The following ELMO1 variants were observed in gnomAD, a reference collection of about 807,000 sequenced individuals.
The protein encoded by ELMO1 is engulfment and cell motility protein 1.
ELMO1 carries 26 observed loss-of-function variants against 98.9 expected under a neutral mutation model. The ratio of observed to expected loss-of-function variants is 0.26; its 90% CI spans 0.19 to 0.36. The LOEUF (loss-of-function observed/expected upper bound fraction) is 0.36, where lower values mean the gene tolerates loss of function less well. Among genes scored for constraint, ELMO1 ranks in the 10% least tolerant of loss-of-function variants. The pLI is 1.00. For synonymous variants in ELMO1, 346 were observed against 346.0 expected, an observed-to-expected ratio of 1.00 and a Z score of 0.00; for missense variants, 627 against 935.2, an observed-to-expected ratio of 0.67 and a Z score of 4.30.
intron 15 of ELMO1, among the ~76,000 whole-genome samples, chr7:37,050,578 T>C (rs1417201701): frequency 6.7e-6 from 1 of 148,790 alleles, no homozygotes; most frequent in Non-Finnish European, 1.5e-5. Context: ...ATGCTGGAAA[T>C]TTGCTAAGAG....
intron 15 of ELMO1, among the ~76,000 whole-genome samples, chr7:37,089,617 C>A (rs1198368365): frequency 1.3e-5 from 2 of 152,134 alleles, no homozygotes; most frequent in African/African-American, 4.8e-5. Flanking sequence ...ACCTCAATTT[C>A]CATTTTTCTG....
intron 1 of ELMO1, among the ~76,000 whole-genome samples, chr7:37,383,724 C>G (rs772037617): frequency 6.6e-6 from 1 of 151,952 alleles, no homozygotes; most frequent in Non-Finnish European, 1.5e-5. Context: ...AACTATGTTA[C>G]GGGAAAAGAG....
chr7:37,266,453 T>A (rs539336687), intron 5 of ELMO1, among the ~76,000 whole-genome samples: 1 of 152,294 alleles, frequency 6.6e-6, no homozygotes, highest in Admixed American at 6.5e-5. Context: ...GCAAGGATTA[T>A]GCTTACAGCT....
intron 16 of ELMO1, among the ~76,000 whole-genome samples, chr7:37,008,884 T>C (rs955878970): frequency 6.6e-6 from 1 of 152,190 alleles, no homozygotes; most frequent in Non-Finnish European, 1.5e-5. Flanking sequence ...TCTACCTTAA[T>C]GAAAATACTC....
chr7:37,375,956 C>G, intron 1 of ELMO1: 1 of 610,716 alleles, frequency 1.6e-6, no homozygotes, highest in Non-Finnish European at 3.0e-6. Context: ...GAGGCTGGGG[C>G]TGGGTCAGCA....
chr7:37,395,677 G>C (rs1803268385), intron 1 of ELMO1, among the ~76,000 whole-genome samples: 1 of 152,182 alleles, frequency 6.6e-6, no homozygotes, highest in Admixed American at 6.5e-5. Context: ...GAGTCTAGAA[G>C]CAATTATGGC....
chr7:36,921,117 C>T (rs1562825694), intron 16 of ELMO1, among the ~76,000 whole-genome samples: 1 of 152,152 alleles, frequency 6.6e-6, no homozygotes, highest in African/African-American at 2.4e-5. Flanking sequence ...CTTTGCCAGG[C>T]ACCACATTTG....
intron 16 of ELMO1, among the ~76,000 whole-genome samples, chr7:37,012,728 A>T (rs1793645073): frequency 6.6e-6 from 1 of 152,204 alleles, no homozygotes; most frequent in South Asian, 2.1e-4. Flanking sequence ...AGTTCAAAGG[A>T]TCAAATGCTT....
chr7:36,860,425 G>A (rs1802535439), intron 21 of ELMO1, among the ~76,000 whole-genome samples: 1 of 152,216 alleles, frequency 6.6e-6, no homozygotes, highest in Non-Finnish European at 1.5e-5. Context: ...GTAATAGAAG[G>A]AAAGTGGTCT....
intron 7 of ELMO1, among the ~76,000 whole-genome samples, chr7:37,240,591 C>G (rs1389482194): frequency 6.6e-6 from 1 of 151,956 alleles, no homozygotes; most frequent in Non-Finnish European, 1.5e-5. Context: ...AACCATCCTT[C>G]CTTTTCAACA....
intron 15 of ELMO1, among the ~76,000 whole-genome samples, chr7:37,047,938 T>G (rs1795894168): frequency 6.6e-6 from 1 of 152,192 alleles, no homozygotes; most frequent in Non-Finnish European, 1.5e-5. Flanking sequence ...CTTTCTTTGA[T>G]TAGAATATGT....
rs146055358 is a variant in ELMO1 at position 37,114,534 on chromosome 7, G to C, written c.1192-17807C>G. Among the ~76,000 whole-genome samples, 577 of 152,172 alleles carry C rather than the reference G, an allele frequency of 3.8e-3. 1 individual carries two copies. Among genetic ancestry groups the C allele is most frequent in the Middle Eastern group, 6.8e-3 (2 of 294 alleles). ...CTTATCAAGGCAACCCATATTTAGC[G>C]CCATGAAACAGTTAAATAGCAAAGT... On this transcript the variant is annotated intron_variant, in intron 14 of 21. Coordinates refer to ENST00000310758, the MANE Select transcript of ELMO1 (RefSeq NM_014800.11).
chr7:37,208,668 T>A (rs1427931257), intron 13 of ELMO1, among the ~76,000 whole-genome samples: 1 of 152,160 alleles, frequency 6.6e-6, no homozygotes, highest in Non-Finnish European at 1.5e-5. Flanking sequence ...GGTGGTGCAA[T>A]GACCATGCGG....
chr7:37,387,342 G>A (rs563508583), intron 1 of ELMO1, among the ~76,000 whole-genome samples: 5 of 152,326 alleles, frequency 3.3e-5, no homozygotes, highest in East Asian at 1.9e-4. Context: ...CTAGGGAAGC[G>A]TCTGTTTCAG....
chr7:37,315,476 A>T (rs1383148369), intron 3 of ELMO1, among the ~76,000 whole-genome samples: 1 of 152,214 alleles, frequency 6.6e-6, no homozygotes, highest in Non-Finnish European at 1.5e-5. Context: ...TCTTTAGAGC[A>T]GCCACAAAGA....
chr7:36,945,084 G>A (rs2129099001), intron 16 of ELMO1, among the ~76,000 whole-genome samples: 1 of 152,278 alleles, frequency 6.6e-6, no homozygotes, highest in Middle Eastern at 3.4e-3. Context: ...TTTGCTCTGG[G>A]TGTGGTACCA....
chr7:37,043,065 A>G (rs35186675), intron 15 of ELMO1, among the ~76,000 whole-genome samples: 12,375 of 152,226 alleles, frequency 0.081, 748 homozygotes, highest in African/African-American at 0.17. Flanking sequence ...ATGGCTGCAT[A>G]CATATCTGGT....
intron 15 of ELMO1, among the ~76,000 whole-genome samples, chr7:37,056,307 G>C (rs1319740531): frequency 6.6e-6 from 1 of 152,200 alleles, no homozygotes; most frequent in Non-Finnish European, 1.5e-5. Context: ...AGGGGCACCA[G>C]GCAGGGTCAG....
At chr7:37,316,613 C>G (rs979380219) in intron 2 of ELMO1, among the ~76,000 whole-genome samples, 1 of 152,090 alleles carries the variant, frequency 6.6e-6, no homozygotes, top group African/African-American at 2.4e-5. Context: ...TCCGCCTGCC[C>G]CCAAGATAGA....
Sources: allele counts gnomAD v4.1 joint callset (sites outside exome capture counted in the v4.1 genomes callset), GRCh38; gene constraint gnomAD v4.1.1; transcripts MANE v1.5; gene names NCBI Gene and HGNC (gene_info 2026-07-23, HGNC 2026-07-21).